The following ZNF536 variants were observed in gnomAD, a reference collection of about 807,000 sequenced individuals.
ZNF536 encodes zinc finger protein 536.
A neutral mutation model predicts 84.5 loss-of-function variants in ZNF536; 13 were observed. That is an observed-to-expected ratio of 0.15 (90% CI 0.10 to 0.24). The LOEUF is 0.24. Ranked by LOEUF, ZNF536 falls within the 10% of genes least tolerant of loss-of-function variation. The probability of loss-of-function intolerance (pLI) is 1.00; values close to 1 mark genes in which losing one functional copy is unlikely to be tolerated. For missense variants in ZNF536, 1,536 were observed against 1,747.5 expected (o/e 0.88, Z 2.16); for synonymous variants, 811 against 742.5 (o/e 1.09, Z -1.50).
At chr19:30,228,494 G>A (rs560715093), upstream of ZNF536, 1 of 152,260 alleles carries the variant, frequency 6.6e-6, no homozygotes, top group Admixed American at 6.5e-5. The surrounding 1 kb of genome is among the most constrained non-coding windows in gnomAD (Gnocchi z 4.5). Flanking sequence ...AAATCTGCCC[G>A]GCCCGGGGCT....
intron 1 of ZNF536, among the ~76,000 whole-genome samples, chr19:30,685,176 G>A (rs1426175836): frequency 2.0e-5 from 3 of 152,196 alleles, no homozygotes; most frequent in Non-Finnish European, 4.4e-5. Context: ...AGGGGTTTGG[G>A]TGTGTCCCAT....
intron 1 of ZNF536, among the ~76,000 whole-genome samples, chr19:30,383,809 T>G (rs1441172237): frequency 1.3e-5 from 2 of 148,820 alleles, no homozygotes; most frequent in African/African-American, 2.5e-5. Context: ...TTTCTCTTTC[T>G]TTCTCTCTTT....
chr19:30,445,100 C>T lies in ZNF536; in HGVS notation c.1538C>T (p.Ala513Val), dbSNP rs755632176. 1 of 1,613,668 alleles carries T rather than the reference C, an allele frequency of 6.2e-7. No individual in the cohort carries two copies. The highest frequency in any genetic ancestry group is 8.5e-7 in the Non-Finnish European group (1 of 1,180,042). ...IERLQAAAKA[A>V]EMDPVNSYQA... ...CGGCTGCAGGCGGCTGCCAAGGCTG[C>T]GGAGATGGACCCCGTGAACAGCTAC... The change falls in exon 2 of 5, where the codon GCG (alanine) becomes GTG (valine). Residue 513 changes from alanine to valine, a missense_variant. Coordinates refer to ENST00000355537, the MANE Select transcript of ZNF536 (RefSeq NM_014717.3). The surrounding 1 kb of genome is among the most constrained non-coding windows in gnomAD (Gnocchi z 4.5).
intron 1 of ZNF536, among the ~76,000 whole-genome samples, chr19:30,696,567 G>A (rs1005381659): frequency 2.0e-5 from 3 of 152,206 alleles, no homozygotes; most frequent in East Asian, 3.9e-4. Context: ...AGGGCAGGCC[G>A]GCTTGCCTGA....
intron 1 of ZNF536, among the ~76,000 whole-genome samples, chr19:30,663,395 T>C (rs1037919012): frequency 6.6e-6 from 1 of 152,228 alleles, no homozygotes; most frequent in African/African-American, 2.4e-5. Flanking sequence ...GGTATATGCA[T>C]ACAGTATGTT....
In ZNF536 at chr19:30,534,937, C is replaced by A. The variant is rs749086445; in HGVS notation, c.2261C>A (p.Pro754Gln). ...CTGGGCTCGGCCATGAAGGACTGCC[C>A]GTACTGTGGGAAAACTTTCCGGACA... ...RSLGSAMKDC[P>Q]YCGKTFRTSH... Residue 754 changes from proline to glutamine, a missense_variant, in exon 3 of 5, where the codon CCG becomes CAG. Coordinates refer to ENST00000355537, the MANE Select transcript of ZNF536 (RefSeq NM_014717.3). 6.2e-7 allele frequency: 1 copy of A among 1,613,940 alleles called. No individual in the cohort carries two copies. The highest frequency in any genetic ancestry group is 8.5e-7 in the Non-Finnish European group (1 of 1,179,924).
chr19:30,422,468 C>A (rs931774449), intron 1 of ZNF536, among the ~76,000 whole-genome samples: 3 of 152,008 alleles, frequency 2.0e-5, no homozygotes, highest in Non-Finnish European at 2.9e-5. Flanking sequence ...TGAATTTTAC[C>A]TTTTCCTTTC....
At chr19:30,333,810 T>G (rs1331173317) in intron 2 of ZNF536, among the ~76,000 whole-genome samples, 1 of 152,178 alleles carries the variant, frequency 6.6e-6, no homozygotes, top group Non-Finnish European at 1.5e-5. Flanking sequence ...GACACATCTA[T>G]TCTCGCCCTA....
intron 2 of ZNF536, among the ~76,000 whole-genome samples, chr19:30,303,975 G>C (rs945478585): frequency 3.3e-5 from 5 of 152,166 alleles, no homozygotes; most frequent in African/African-American, 1.2e-4. Context: ...AACACCTCTG[G>C]AGCACCCCTC....
intron 1 of ZNF536, among the ~76,000 whole-genome samples, chr19:30,690,911 GT>G (rs1192573021): frequency 6.6e-6 from 1 of 151,874 alleles, no homozygotes; most frequent in Non-Finnish European, 1.5e-5. Context: ...GCAATGCTTG[GT>G]TTTTTTTCTC....
At chr19:30,696,672 C>T (rs986253559) in intron 1 of ZNF536, among the ~76,000 whole-genome samples, 5 of 152,066 alleles carry the variant, frequency 3.3e-5, no homozygotes, top group African/African-American at 1.2e-4. Context: ...TGCGCAATGG[C>T]GGGGGATGAA....
At chr19:30,420,854 G>C (rs149852806) in intron 1 of ZNF536, among the ~76,000 whole-genome samples, 1 of 152,308 alleles carries the variant, frequency 6.6e-6, no homozygotes, top group Non-Finnish European at 1.5e-5. Context: ...ATCTTCAGAG[G>C]AAAAGCTGTG....
chr19:30,457,953 G>A (rs561570833), intron 2 of ZNF536, among the ~76,000 whole-genome samples: 2 of 152,312 alleles, frequency 1.3e-5, no homozygotes, highest in South Asian at 2.1e-4. Context: ...TTGGGTGGTG[G>A]GTGGGACATG....
chr19:30,708,472 G>A (rs909342287), intron 1 of ZNF536, among the ~76,000 whole-genome samples: 6 of 152,206 alleles, frequency 3.9e-5, no homozygotes, highest in African/African-American at 1.4e-4. Flanking sequence ...TGAAAGATCT[G>A]GGGCAAATAA....
chr19:30,313,307 C>T (rs1450979167), intron 2 of ZNF536, among the ~76,000 whole-genome samples: 1 of 152,202 alleles, frequency 6.6e-6, no homozygotes, highest in Non-Finnish European at 1.5e-5. Flanking sequence ...GCTGGCCCTG[C>T]CTGGGCCTTC....
intron 1 of ZNF536, among the ~76,000 whole-genome samples, chr19:30,584,022 A>G (rs1297448283): frequency 1.3e-5 from 2 of 152,136 alleles, no homozygotes; most frequent in African/African-American, 4.8e-5. Flanking sequence ...CCTTTTATGC[A>G]TCTAGAATCA....
At chr19:30,582,375 C>CTTTTTTTT (rs35509271) in intron 1 of ZNF536, among the ~76,000 whole-genome samples, 4 of 89,172 alleles carry the variant, frequency 4.5e-5, no homozygotes, top group Admixed American at 1.5e-4. Context: ...CCTAGTTTCT[C>CTTTTTTTT]TTTTTTTTTT....
At chr19:30,598,043 C>T (rs1026908588) in intron 1 of ZNF536, among the ~76,000 whole-genome samples, 1 of 152,088 alleles carries the variant, frequency 6.6e-6, no homozygotes, top group South Asian at 2.1e-4. Flanking sequence ...TTGTTGTATG[C>T]ACATGTACAC....
chr19:30,344,236 C>T (rs1301985416), intron 2 of ZNF536, among the ~76,000 whole-genome samples: 2 of 121,084 alleles, frequency 1.7e-5, no homozygotes, highest in African/African-American at 6.8e-5. Flanking sequence ...GTCAGGAGTT[C>T]GCGACCAGCC....
Sources: gnomAD v4.1 joint callset for allele counts (sites outside exome capture counted in the v4.1 genomes callset) on GRCh38, gnomAD v4.1.1 for gene constraint, Gnocchi (gnomAD v3.1) non-coding constraint, MANE v1.5 for transcripts, NCBI Gene and HGNC (gene_info 2026-07-23, HGNC 2026-07-21) for gene names.